FILIP1L: variants seen among roughly 807,000 people sequenced by gnomAD.
The protein encoded by FILIP1L is filamin A-interacting protein 1-like.
Under a neutral mutation model 96.6 loss-of-function variants are expected in FILIP1L, and 55 were observed. The observed-to-expected ratio is 0.57, with a 90% CI of 0.46 to 0.71. The LOEUF is 0.71. Ranked by LOEUF, FILIP1L falls within the 30% of genes least tolerant of loss-of-function variation. FILIP1L has a pLI of 0.00. For missense variants in FILIP1L, 1,304 were observed against 1,321.2 expected (o/e 0.99, Z 0.20); for synonymous variants, 467 against 473.9 (o/e 0.99, Z 0.19).
Position 99,983,615 on chromosome 3 carries a change from G to A in FILIP1L, c.-10-52585C>T, listed in dbSNP as rs547817184. On this transcript the variant is annotated intron_variant, in intron 1 of 5. Transcript: ENST00000477258. ...TGAGGCAAGATAATTGCTTGAACCG[G>A]GGAGGCGGAGGTTGCCATGAGCTGA... Among the ~76,000 whole-genome samples the A allele has an allele frequency of 6.7e-4, 98 of 147,134 alleles. No homozygotes were observed. The South Asian group carries it at 0.021, about 32-fold the overall frequency.
intron 4 of FILIP1L, 104 bp from the exon 5 acceptor site, chr3:99,851,174 T>A (rs949911546): frequency 9.5e-6 from 9 of 948,784 alleles, no homozygotes; most frequent in Non-Finnish European, 1.4e-5. Flanking sequence ...TTATATGAGC[T>A]GTGTCAGTTC....
At chr3:99,932,750 G>A (rs778059397) in intron 1 of FILIP1L, among the ~76,000 whole-genome samples, 1 of 152,156 alleles carries the variant, frequency 6.6e-6, no homozygotes, top group African/African-American at 2.4e-5. Flanking sequence ...AATTAGCCAG[G>A]TGTGGTGGCA....
chr3:100,089,977 C>CT (rs1224656972), intron 1 of FILIP1L, among the ~76,000 whole-genome samples: 2 of 152,198 alleles, frequency 1.3e-5, no homozygotes, highest in African/African-American at 2.4e-5. Context: ...AAATAGTACA[C>CT]TCATCTTCCC....
At chr3:100,090,387 C>A (rs776523651) in intron 1 of FILIP1L, among the ~76,000 whole-genome samples, 9 of 152,288 alleles carry the variant, frequency 5.9e-5, no homozygotes, top group African/African-American at 2.2e-4. Context: ...TCATGCTGGT[C>A]GTGATTTTTC....
chr3:99,879,189 A>G (rs1252230400), intron 4 of FILIP1L, among the ~76,000 whole-genome samples: 4 of 152,252 alleles, frequency 2.6e-5, no homozygotes, highest in Non-Finnish European at 1.5e-5. Flanking sequence ...GAAATGATAC[A>G]AAGAAATTTT....
In FILIP1L at chr3:99,850,020, A is replaced by T; in HGVS notation, c.1656T>A (p.Asp552Glu). The change falls in exon 5 of 6, where the codon GAT becomes GAA. Residue 552 changes from aspartate to glutamate, a missense_variant. Physicochemically the swap from Asp to Glu is conservative, Grantham distance 45. Transcript: ENST00000477258. ...ETKRALKSKT[D>E]VEEKMYSVTK... ...TTACGCTGTACATCTTTTCTTCTAC[A>T]TCGGTTTTGGACTTGAGCGCCCTTT... 6.2e-7 allele frequency: 1 copy of T among 1,607,500 alleles called. No individual in the cohort carries two copies. The highest frequency in any genetic ancestry group is 8.5e-7 in the Non-Finnish European group (1 of 1,178,484).
chr3:99,863,727 G>A lies in FILIP1L; in HGVS notation c.606-12657C>T, dbSNP rs1018349302. 4.6e-5 allele frequency among the ~76,000 whole-genome samples: 7 copies of A among 152,160 alleles called. No individual in the cohort carries two copies. In the East Asian group the frequency reaches 5.8e-4, roughly 13 times the overall value. On this transcript the variant is annotated intron_variant, in intron 4 of 5. Transcript: ENST00000477258. Reference sequence around the variant, plus strand: ...TATTTCAAAATGTGTGTATTAAAACGTATACTAGGAACAGTCTTCCTCTTA... The same window carrying A: ...TATTTCAAAATGTGTGTATTAAAACATATACTAGGAACAGTCTTCCTCTTA...
chr3:99,847,091 G>A (rs1943398030), intron 5 of FILIP1L, among the ~76,000 whole-genome samples: 1 of 152,088 alleles, frequency 6.6e-6, no homozygotes, highest in Admixed American at 6.5e-5. Flanking sequence ...AATAATCACA[G>A]AAGAAATTCA....
intron 1 of FILIP1L, among the ~76,000 whole-genome samples, chr3:100,064,544 C>T (rs2065629376): frequency 6.6e-6 from 1 of 152,136 alleles, no homozygotes; most frequent in African/African-American, 2.4e-5. Flanking sequence ...TGACAAATGC[C>T]ACCCACTATT....
Position 99,850,759 on chromosome 3 carries a change from T to C in FILIP1L, c.917A>G (p.Gln306Arg), listed in dbSNP as rs377167112. 5.1e-5 allele frequency: 82 copies of C among 1,614,218 alleles called. 1 individual carries two copies. In the Middle Eastern group the frequency reaches 9.9e-4, roughly 19 times the overall value. The change falls in exon 5 of 6, where the codon CAA (glutamine) becomes CGA (arginine). Residue 306 changes from glutamine to arginine, a missense_variant. Transcript: ENST00000477258. The stretch of plus-strand genomic sequence containing the variant: ...GGTGAGCTTCGCCATAATTGTGTCT[T>C]GGTCTTGGTGAAACTTTGTGGTCTG... ...QTQTTKFHQD[Q>R]DTIMAKLTNE...
chr3:99,895,449 T>C lies in FILIP1L; in HGVS notation c.605+28781A>G, dbSNP rs138017863. Among the ~76,000 whole-genome samples the C allele has an allele frequency of 1.4e-3, 217 of 152,000 alleles. 1 individual carries two copies. The highest frequency in any genetic ancestry group is 5.0e-3 in the African/African-American group (206 of 41,448). ...AATATTTGTGGCTTATTCAAGGTACTGTATTTCCTTCCGCTCATGGGCAAG... is the reference window on the plus strand; with the variant it reads ...AATATTTGTGGCTTATTCAAGGTACCGTATTTCCTTCCGCTCATGGGCAAG... On this transcript the variant is annotated intron_variant, in intron 4 of 5. Transcript: ENST00000477258.
intron 1 of FILIP1L, among the ~76,000 whole-genome samples, chr3:100,034,762 G>A (rs893760236): frequency 2.0e-5 from 3 of 152,174 alleles, no homozygotes; most frequent in African/African-American, 7.2e-5. Context: ...TTCCTAATGG[G>A]AAGGAGGGGC....
chr3:100,053,819 A>G (rs1484389359), intron 1 of FILIP1L, among the ~76,000 whole-genome samples: 1 of 152,204 alleles, frequency 6.6e-6, no homozygotes, highest in Non-Finnish European at 1.5e-5. Context: ...CTGCCACAAC[A>G]CATGCTGAGT....
At chr3:99,996,430 G>A (rs564935470) in intron 1 of FILIP1L, among the ~76,000 whole-genome samples, 1 of 152,156 alleles carries the variant, frequency 6.6e-6, no homozygotes, top group East Asian at 1.9e-4. Flanking sequence ...ACATTTTCCT[G>A]TCTTCTTCTG....
At chr3:100,017,322 A>G (rs1710373931) in intron 1 of FILIP1L, among the ~76,000 whole-genome samples, 1 of 151,280 alleles carries the variant, frequency 6.6e-6, no homozygotes, top group Admixed American at 6.6e-5. Context: ...AGATTGGAGC[A>G]GTGAAGTTAG....
At chr3:99,915,044 G>A (rs1434602609) in intron 4 of FILIP1L, among the ~76,000 whole-genome samples, 1 of 152,100 alleles carries the variant, frequency 6.6e-6, no homozygotes, top group African/African-American at 2.4e-5. Flanking sequence ...CCCCTTTTAG[G>A]ATCATTTTTT....
intron 1 of FILIP1L, among the ~76,000 whole-genome samples, chr3:100,016,040 C>CT (rs912663073): frequency 6.6e-6 from 1 of 151,898 alleles, no homozygotes; most frequent in African/African-American, 2.4e-5. Flanking sequence ...ATAATTTAAC[C>CT]TTTTTTAGAT....
chr3:100,033,716 A>T (rs182599390), intron 1 of FILIP1L, among the ~76,000 whole-genome samples: 140 of 151,658 alleles, frequency 9.2e-4, no homozygotes, highest in African/African-American at 2.6e-3. Flanking sequence ...AATTGATTTT[A>T]AAAAAAAACC....
chr3:100,005,681 C>G (rs903462979), intron 1 of FILIP1L, among the ~76,000 whole-genome samples: 19 of 152,160 alleles, frequency 1.2e-4, no homozygotes, highest in African/African-American at 4.3e-4. Flanking sequence ...CTTTGAAACT[C>G]TTAGAGAAAT....
Sources: gnomAD v4.1 joint callset for allele counts (sites outside exome capture counted in the v4.1 genomes callset) on GRCh38, gnomAD v4.1.1 for gene constraint, MANE v1.5 for transcripts, NCBI Gene and HGNC (gene_info 2026-07-23, HGNC 2026-07-21) for gene names.